PDE3A: variants seen among roughly 807,000 people sequenced by gnomAD.
PDE3A encodes cGMP-inhibited 3',5'-cyclic phosphodiesterase 3A.
In PDE3A, 43 loss-of-function variants were observed where a neutral mutation model predicts 98.3. The observed-to-expected ratio is 0.44, with a 90% CI of 0.34 to 0.56. The LOEUF (loss-of-function observed/expected upper bound fraction) is 0.56. Among genes scored for constraint, PDE3A ranks in the 20% least tolerant of loss-of-function variants. The pLI is 0.01. For missense variants in PDE3A, 1,427 were observed against 1,440.7 expected, an observed-to-expected ratio of 0.99 and a Z score of 0.15; for synonymous variants, 663 against 567.9, an observed-to-expected ratio of 1.17 and a Z score of -2.38.
At chr12:20,520,300 G>A (rs561597515) in intron 1 of PDE3A, among the ~76,000 whole-genome samples, 69 of 152,222 alleles carry the variant, frequency 4.5e-4, no homozygotes, top group African/African-American at 1.6e-3. Context: ...GTTTTAGGCT[G>A]GCAATGACAT....
intron 1 of PDE3A, among the ~76,000 whole-genome samples, chr12:20,547,182 G>A (rs1253174284): frequency 2.0e-5 from 3 of 150,800 alleles, no homozygotes; most frequent in Admixed American, 1.3e-4. Context: ...GGACTTTTTC[G>A]ATCTACTGTA....
At chr12:20,521,734 G>A (rs2121153594) in intron 1 of PDE3A, among the ~76,000 whole-genome samples, 1 of 152,240 alleles carries the variant, frequency 6.6e-6, no homozygotes, top group East Asian at 1.9e-4. Context: ...CAATAGGGAA[G>A]GTACTAGGTT....
intron 1 of PDE3A, among the ~76,000 whole-genome samples, chr12:20,374,753 T>A (rs1160425780): frequency 6.6e-6 from 1 of 152,086 alleles, no homozygotes; most frequent in Non-Finnish European, 1.5e-5. Flanking sequence ...TTAAGATTTT[T>A]CCATTAATAT....
At chr12:20,478,991 T>C (rs997859584) in intron 1 of PDE3A, among the ~76,000 whole-genome samples, 3 of 152,224 alleles carry the variant, frequency 2.0e-5, no homozygotes, top group Non-Finnish European at 4.4e-5. Context: ...ATATATACTT[T>C]GTGACATTTT....
At chr12:20,599,677 AT>A (rs1304320648) in intron 2 of PDE3A, among the ~76,000 whole-genome samples, 1 of 152,072 alleles carries the variant, frequency 6.6e-6, no homozygotes, top group East Asian at 1.9e-4. Context: ...TTATCTATTT[AT>A]CATTCCACTG....
chr12:20,567,067 G>A (rs951957543), intron 2 of PDE3A, among the ~76,000 whole-genome samples: 4 of 151,838 alleles, frequency 2.6e-5, no homozygotes, highest in Non-Finnish European at 5.9e-5. Context: ...CTTTTTCGTG[G>A]AGAAATACAG....
intron 1 of PDE3A, among the ~76,000 whole-genome samples, chr12:20,501,053 C>A (rs776132442): frequency 1.3e-5 from 2 of 152,154 alleles, no homozygotes; most frequent in Non-Finnish European, 2.9e-5. Flanking sequence ...TAGGCATGAG[C>A]CCCGGCAGCT....
chr12:20,591,756 T>C (rs1048066126), intron 2 of PDE3A, among the ~76,000 whole-genome samples: 1 of 152,212 alleles, frequency 6.6e-6, no homozygotes, highest in Non-Finnish European at 1.5e-5. Flanking sequence ...TTTTAACTTA[T>C]CTCATGAGAG....
intron 2 of PDE3A, among the ~76,000 whole-genome samples, chr12:20,580,798 C>G (rs1308406575): frequency 6.6e-6 from 1 of 152,186 alleles, no homozygotes; most frequent in African/African-American, 2.4e-5. Context: ...ACCCCCTCTG[C>G]ACACTCGCAT....
intron 1 of PDE3A, among the ~76,000 whole-genome samples, chr12:20,416,383 G>C (rs1944421511): frequency 6.6e-6 from 1 of 152,194 alleles, no homozygotes; most frequent in Non-Finnish European, 1.5e-5. Context: ...TTTAAGACAT[G>C]AATGGATATA....
At chr12:20,512,179 C>T (rs947927752) in intron 1 of PDE3A, among the ~76,000 whole-genome samples, 27 of 151,066 alleles carry the variant, frequency 1.8e-4, no homozygotes, top group African/African-American at 5.1e-4. Flanking sequence ...TGTAATAATA[C>T]GTCGCTATTG....
chr12:20,673,850 A>C (rs980236147), intron 15 of PDE3A, among the ~76,000 whole-genome samples: 2 of 77,008 alleles, frequency 2.6e-5, no homozygotes, highest in Non-Finnish European at 5.4e-5. Context: ...AAGTATAATA[A>C]AAATAAAAAT....
chr12:20,569,567 T>C (rs1942745534), intron 2 of PDE3A, among the ~76,000 whole-genome samples: 1 of 152,070 alleles, frequency 6.6e-6, no homozygotes. Flanking sequence ...TTATCATTAA[T>C]TAATATGCCC....
At chr12:20,549,226 A>G (rs1046512202) in intron 1 of PDE3A, among the ~76,000 whole-genome samples, 1 of 151,560 alleles carries the variant, frequency 6.6e-6, no homozygotes, top group Non-Finnish European at 1.5e-5. Context: ...AATATTTTTT[A>G]TACAAATAGG....
chr12:20,391,822 G>A (rs1943920437), intron 1 of PDE3A, among the ~76,000 whole-genome samples: 2 of 151,790 alleles, frequency 1.3e-5, no homozygotes, highest in Admixed American at 6.6e-5. Flanking sequence ...AAATTGAGGA[G>A]TCCAGAATCT....
At chr12:20,452,524 G>A (rs1296373176) in intron 1 of PDE3A, among the ~76,000 whole-genome samples, 2 of 152,058 alleles carry the variant, frequency 1.3e-5, no homozygotes, top group East Asian at 3.8e-4. Flanking sequence ...TTTACTCATT[G>A]GTAAAACAAG....
At chr12:20,633,868 T>C in intron 7 of PDE3A, 90 bp downstream of exon 7, 1 of 738,028 alleles carries the variant, frequency 1.4e-6, no homozygotes, top group Non-Finnish European at 2.2e-6. Flanking sequence ...ATTTCTGATA[T>C]TTTGTGGGGC....
intron 1 of PDE3A, among the ~76,000 whole-genome samples, chr12:20,383,715 C>T (rs1248356867): frequency 6.6e-6 from 1 of 151,924 alleles, no homozygotes; most frequent in African/African-American, 2.4e-5. Flanking sequence ...AACTTGGTTA[C>T]AGACAGTCCA....
intron 15 of PDE3A, among the ~76,000 whole-genome samples, chr12:20,666,870 C>T (rs1436377074): frequency 1.3e-5 from 2 of 152,174 alleles, no homozygotes; most frequent in Non-Finnish European, 2.9e-5. Flanking sequence ...TCCATAGTGG[C>T]TATACCAACT....
Sources: gnomAD v4.1 joint callset for allele counts (sites outside exome capture counted in the v4.1 genomes callset) on GRCh38, gnomAD v4.1.1 for gene constraint, MANE v1.5 for transcripts, NCBI Gene and HGNC (gene_info 2026-07-23, HGNC 2026-07-21) for gene names.